PLEKHA3: variants seen among roughly 807,000 people sequenced by gnomAD.
PLEKHA3 encodes the protein pleckstrin homology domain containing A3.
Under a neutral mutation model 39.2 loss-of-function variants are expected in PLEKHA3, and 19 were observed. That is an observed-to-expected ratio of 0.48 (90% confidence interval 0.34 to 0.71). The LOEUF is 0.71. PLEKHA3 is among the 30% of genes least tolerant of loss of function. PLEKHA3 has a pLI of 0.01. For synonymous variants in PLEKHA3, 97 were observed against 118.6 expected (o/e 0.82, Z 1.18); for missense variants, 253 against 359.5 (o/e 0.70, Z 2.40).
chr2:178,498,372 A>G (rs945065671), intron 5 of PLEKHA3, among the ~76,000 whole-genome samples: 1 of 152,226 alleles, frequency 6.6e-6, no homozygotes, highest in African/African-American at 2.4e-5. Context: ...CTAGTGGCTC[A>G]TGTTCCAAAT....
rs920694026 is a variant in PLEKHA3, at chr2:178,512,090, C to T, written c.*8203C>T. The stretch of plus-strand genomic sequence containing the variant: ...ACAGCACCAGGATTAACTCATGAGA[C>T]TGATTAGAATGATGAATATCTTATT... On this transcript the variant is annotated 3_prime_UTR_variant, in exon 8 of 8. Coordinates refer to ENST00000234453, the MANE Select transcript of PLEKHA3 (RefSeq NM_019091.4). 2.0e-5 allele frequency: 3 copies of T among 152,180 alleles called. No homozygotes were observed. Among genetic ancestry groups the T allele is most frequent in the African/African-American group, 7.2e-5 (3 of 41,440 alleles). 9.4% of individuals were successfully genotyped at this position (152,180 alleles called of 1,614,324 possible).
intron 7 of PLEKHA3, chr2:178,502,381 G>T: frequency 2.3e-6 from 1 of 425,816 alleles, no homozygotes; most frequent in Admixed American, 3.1e-5. Context: ...GGGGAAGGGA[G>T]AAAGAAACTT....
Position 178,513,651 on chromosome 2 carries a change from TTA to T in PLEKHA3, c.*9765_*9766del, listed in dbSNP as rs1189631253. ...GTGGACAATGCAACTTGGAATCATT[TTA>T]GTTTTCCAATTGATTTTAAAAGTTT... On this transcript the variant is annotated 3_prime_UTR_variant, in exon 8 of 8. Coordinates refer to ENST00000234453, the MANE Select transcript of PLEKHA3 (RefSeq NM_019091.4). 1.3e-5 allele frequency: 2 copies of T among 152,152 alleles called. No individual in the cohort carries two copies. Among genetic ancestry groups the T allele is most frequent in the Non-Finnish European group, 2.9e-5 (2 of 68,032 alleles). 9.4% of individuals were successfully genotyped at this position (152,152 alleles called of 1,614,324 possible). A position where few individuals can be genotyped will look rare whatever the true frequency, so the allele number is the denominator to read the frequency against.
chr2:178,501,594 C>T (rs1175245700), intron 7 of PLEKHA3, among the ~76,000 whole-genome samples: 1 of 151,982 alleles, frequency 6.6e-6, no homozygotes, highest in African/African-American at 2.4e-5. Context: ...AGAATTTTGT[C>T]TGGTAGTCAC....
intron 2 of PLEKHA3, among the ~76,000 whole-genome samples, chr2:178,487,170 G>A (rs1357327357): frequency 6.6e-6 from 1 of 152,104 alleles, no homozygotes; most frequent in Non-Finnish European, 1.5e-5. Context: ...TGACCTAACA[G>A]GATTCTTGCT....
intron 2 of PLEKHA3, among the ~76,000 whole-genome samples, chr2:178,487,269 A>G (rs372855648): frequency 1.3e-5 from 2 of 152,176 alleles, no homozygotes; most frequent in Non-Finnish European, 2.9e-5. Context: ...CGGGTGATGA[A>G]ATATGGTGTT....
In PLEKHA3 at chr2:178,515,404, A is replaced by C. The variant is rs1380877955; in HGVS notation, c.*11517A>C. On this transcript the variant is annotated 3_prime_UTR_variant, in exon 8 of 8. Transcript: ENST00000234453. Reference sequence around the variant, plus strand: ...TAATTAGCCAAAAAAAGACATATGAACTTTTCTCATTCTGTCTACCTTTTT... The same window carrying C: ...TAATTAGCCAAAAAAAGACATATGACCTTTTCTCATTCTGTCTACCTTTTT... 1 of 152,140 alleles carries C rather than the reference A, an allele frequency of 6.6e-6. No individual in the cohort carries two copies. Among genetic ancestry groups the C allele is most frequent in the Middle Eastern group, 3.4e-3 (1 of 294 alleles). The allele number at this position is 152,140 out of a possible 1,614,324, so 9.4% of individuals were successfully genotyped here. A position where few individuals can be genotyped will look rare whatever the true frequency, so the allele number is the denominator to read the frequency against.
chr2:178,483,610 T>A (rs1685206195), intron 1 of PLEKHA3, among the ~76,000 whole-genome samples: 1 of 152,174 alleles, frequency 6.6e-6, no homozygotes, highest in African/African-American at 2.4e-5. Flanking sequence ...AAATCATAAT[T>A]TGTCCTATAG....
rs192828747 is a variant in PLEKHA3 at position 178,493,991 on chromosome 2, T to C, written c.450+2T>C. On this transcript the variant is annotated splice_donor_variant, in intron 4 of 7. Transcript: ENST00000234453. LOFTEE classifies it high-confidence loss of function. ...AATCATTCATCTCCTAGTGCAGAGG[T>C]AGAGCGAAGAGGATCTCTTCACGTG... 6.2e-7 allele frequency: 1 copy of C among 1,613,154 alleles called. No individual in the cohort carries two copies. The highest frequency in any genetic ancestry group is 2.2e-5 in the East Asian group (1 of 44,834).
chr2:178,487,500 G>A (rs1434557060), intron 2 of PLEKHA3, among the ~76,000 whole-genome samples: 2 of 151,794 alleles, frequency 1.3e-5, no homozygotes, highest in Non-Finnish European at 2.9e-5. Flanking sequence ...ATGCAGTGGT[G>A]TGATCATGGC....
In PLEKHA3 at chr2:178,514,259, T is replaced by C. The variant is rs1464641196; in HGVS notation, c.*10372T>C. ...GTGGCTAATTTTAAGACTTTGATTT[T>C]TCAGCTAGGATTAGCGGAGAATGAC... On this transcript the variant is annotated 3_prime_UTR_variant, in exon 8 of 8. Transcript: ENST00000234453. 1 of 152,096 alleles carries C rather than the reference T, an allele frequency of 6.6e-6. No homozygotes were observed. The highest frequency in any genetic ancestry group is 1.5e-5 in the Non-Finnish European group (1 of 68,020). 9.4% of individuals were successfully genotyped at this position (152,096 alleles called of 1,614,324 possible).
rs141952532 is a variant in PLEKHA3, at chr2:178,484,680, C to T, written c.41-961C>T. ...TTGTGCTGAATTGTTATTTAATAGT[C>T]ATGGAAAGAACAAGGACAGTCACAC... On this transcript the variant is annotated intron_variant, in intron 1 of 7. Transcript: ENST00000234453. 3.4e-4 allele frequency among the ~76,000 whole-genome samples: 52 copies of T among 152,312 alleles called. No homozygotes were observed. In the East Asian group the frequency reaches 8.5e-3, roughly 25 times the overall value.
intron 6 of PLEKHA3, among the ~76,000 whole-genome samples, chr2:178,500,184 T>C (rs932143712): frequency 3.3e-5 from 5 of 152,144 alleles, no homozygotes; most frequent in African/African-American, 1.2e-4. Flanking sequence ...TTAATTATAG[T>C]GACATTGGCA....
Position 178,511,274 on chromosome 2 carries a change from T to A in PLEKHA3, c.*7387T>A, listed in dbSNP as rs1476092184. 1 of 152,208 alleles carries A rather than the reference T, an allele frequency of 6.6e-6. No individual in the cohort carries two copies. Among genetic ancestry groups the A allele is most frequent in the African/African-American group, 2.4e-5 (1 of 41,454 alleles). 9.4% of individuals were successfully genotyped at this position (152,208 alleles called of 1,614,324 possible). ...AAAACAGTGCCTGCTATTAGCTTGA[T>A]GCTGGCATTTTCTTCTTTCCCTGGA... On this transcript the variant is annotated 3_prime_UTR_variant, in exon 8 of 8. Transcript: ENST00000234453.
At chr2:178,481,034 C>A in intron 1 of PLEKHA3, 125 bp downstream of exon 1, 1 of 896,040 alleles carries the variant, frequency 1.1e-6, no homozygotes. Context: ...CTACTCGATT[C>A]CAGGGCTTGT....
At chr2:178,498,385 A>G (rs1251754413) in intron 5 of PLEKHA3, among the ~76,000 whole-genome samples, 1 of 152,236 alleles carries the variant, frequency 6.6e-6, no homozygotes, top group Non-Finnish European at 1.5e-5. Context: ...TTCCAAATAT[A>G]GAAGGCATTT....
chr2:178,503,948 T>A lies in PLEKHA3; in HGVS notation c.*61T>A. On this transcript the variant is annotated 3_prime_UTR_variant, in exon 8 of 8. Transcript: ENST00000234453. ...TATGCAAAAGCTGCTGTAATTAAAC[T>A]ATTGTTATAGGGAGTAGTTTTTTCC... 6.3e-7 allele frequency: 1 copy of A among 1,588,866 alleles called. No individual in the cohort carries two copies. The highest frequency in any genetic ancestry group is 8.6e-7 in the Non-Finnish European group (1 of 1,161,334).
chr2:178,486,168 G>A (rs529594406), intron 2 of PLEKHA3, among the ~76,000 whole-genome samples: 2 of 152,304 alleles, frequency 1.3e-5, no homozygotes, highest in South Asian at 2.1e-4. Context: ...TGAAGTTGGA[G>A]TCATAAACTC....
At chr2:178,499,449 GA>G (rs1256810945) in intron 6 of PLEKHA3, among the ~76,000 whole-genome samples, 195 bp downstream of exon 6, 3 of 151,924 alleles carry the variant, frequency 2.0e-5, no homozygotes, top group African/African-American at 7.3e-5. Context: ...AGTCAGTAAA[GA>G]AAAAAATGAA....
Sources: gnomAD v4.1 joint callset for allele counts (sites outside exome capture counted in the v4.1 genomes callset) on GRCh38, gnomAD v4.1.1 for gene constraint, MANE v1.5 for transcripts, NCBI Gene and HGNC (gene_info 2026-07-23, HGNC 2026-07-21) for gene names.